The following CLN6 variants were observed in gnomAD, a reference collection of about 807,000 sequenced individuals.
The protein encoded by CLN6 is ceroid-lipofuscinosis neuronal protein 6.
Under a neutral mutation model 33.3 loss-of-function variants are expected in CLN6, and 22 were observed. That is an observed-to-expected ratio of 0.66 (90% CI 0.47 to 0.94). CLN6 has a LOEUF of 0.94. Among genes scored for constraint, CLN6 ranks in the 40% least tolerant of loss-of-function variants. CLN6 has a pLI of 0.00. For missense variants in CLN6, 387 were observed against 417.1 expected, an observed-to-expected ratio of 0.93 and a Z score of 0.63; for synonymous variants, 201 against 174.6, an observed-to-expected ratio of 1.15 and a Z score of -1.19.
upstream of CLN6, chr15:68,229,870 C>G (rs1367722862): frequency 4.0e-6 from 1 of 248,372 alleles, no homozygotes. Context: ...GGCTGCTGGC[C>G]TGTCCGGGCT....
At position 68,211,199 on chromosome 15, in the gene CLN6, AGCCAGTGACAGG is replaced by A; in HGVS notation, c.542+52_542+63del. The A allele has an allele frequency of 7.2e-7, 1 of 1,384,284 alleles. No individual in the cohort carries two copies. 85.8% of individuals were successfully genotyped at this position (1,384,284 alleles called of 1,614,324 possible). On this transcript the variant is annotated intron_variant, in intron 5 of 6. Transcript: ENST00000249806. This position sits in a 1 kb window ranked among gnomAD's most constrained non-coding sequence, Gnocchi z 5.9. ...GACAGCCTTGCTCAGTGTGTCCCTG[AGCCAGTGACAGG>A]GCTAGCCGGTAGTTGGGGCCCCTGG... is the stretch of plus-strand genomic sequence containing the variant.
At chr15:68,225,201 A>C (rs1358355863) in intron 1 of CLN6, among the ~76,000 whole-genome samples, 1 of 152,252 alleles carries the variant, frequency 6.6e-6, no homozygotes, top group Non-Finnish European at 1.5e-5. Context: ...AGGCAACTAG[A>C]AACTCCAAGA....
At position 68,246,351 on chromosome 15, in the gene CLN6, G is replaced by T. The variant is rs1276226648; in HGVS notation, c.179+10339C>A. On this transcript the variant is annotated intron_variant, in intron 1 of 6. Coordinates refer to the CLN6 transcript ENST00000538696. The surrounding 1 kb of genome is among the most constrained non-coding windows in gnomAD (Gnocchi z 4.5). ...AAGTCTGAACAAATTCAATAAAGTA[G>T]AAATTATATCAAATATATTTTCTGG... Among the ~76,000 whole-genome samples, 1 of 151,976 alleles carries T rather than the reference G, an allele frequency of 6.6e-6. No individual in the cohort carries two copies. Among genetic ancestry groups the T allele is most frequent in the Non-Finnish European group, 1.5e-5 (1 of 68,004 alleles).
rs1162238792 is a variant in CLN6, at chr15:68,229,394, G to A, written c.83+108C>T. ...CGCGCTCCGCTCCGCCCCGGCCAGC[G>A]CCGCACACGAGGTTCCCGCCCGGCA... On this transcript the variant is annotated intron_variant, in intron 1 of 6. Coordinates refer to ENST00000249806, the MANE Select transcript of CLN6 (RefSeq NM_017882.3). 6.9e-6 allele frequency: 6 copies of A among 865,268 alleles called. No individual in the cohort carries two copies. In the East Asian group the frequency reaches 1.8e-4, roughly 26 times the overall value. 53.6% of individuals were successfully genotyped at this position (865,268 alleles called of 1,614,324 possible).
chr15:68,223,263 G>A (rs561558028), intron 1 of CLN6, among the ~76,000 whole-genome samples: 1 of 152,312 alleles, frequency 6.6e-6, no homozygotes, highest in South Asian at 2.1e-4. Context: ...AGGCCTGGAG[G>A]TGGAAGTGAA....
upstream of CLN6, among the ~76,000 whole-genome samples, chr15:68,232,898 TG>T (rs1396578075): frequency 6.6e-6 from 1 of 152,000 alleles, no homozygotes; most frequent in Non-Finnish European, 1.5e-5. The surrounding 1 kb of genome is among the most constrained non-coding windows in gnomAD (Gnocchi z 4.7). Context: ...AAAAACGAAC[TG>T]GGTGTCGTGG....
rs376165219 is a variant in CLN6 at position 68,210,280 on chromosome 15, C to T, written c.543-521G>A. 9.9e-4 allele frequency among the ~76,000 whole-genome samples: 151 copies of T among 152,112 alleles called. 3 individuals carry two copies. Among genetic ancestry groups the T allele is most frequent in the East Asian group, 9.1e-3 (47 of 5,170 alleles). On this transcript the variant is annotated intron_variant, in intron 5 of 6. Transcript: ENST00000249806. This position sits in a 1 kb window ranked among gnomAD's most constrained non-coding sequence, Gnocchi z 5.6. ...CTCCACACACCGGCTCCCTTTCTCC[C>T]ACCTGTGCTTTCACCAGTATACCCG...
chr15:68,231,783 G>T (rs976625102), upstream of CLN6, among the ~76,000 whole-genome samples: 2 of 152,246 alleles, frequency 1.3e-5, no homozygotes, highest in Admixed American at 1.3e-4. Flanking sequence ...CTGGCAGGGG[G>T]CTGGGCCTTT....
At position 68,211,183 on chromosome 15, in the gene CLN6, G is replaced by T; in HGVS notation, c.542+80C>A. On this transcript the variant is annotated intron_variant, in intron 5 of 6. Coordinates refer to ENST00000249806, the MANE Select transcript of CLN6 (RefSeq NM_017882.3). The surrounding 1 kb of genome is among the most constrained non-coding windows in gnomAD (Gnocchi z 5.9). ...GGAGACCCGCAGCCCAGACAGCCTT[G>T]CTCAGTGTGTCCCTGAGCCAGTGAC... 8.2e-7 allele frequency: 1 copy of T among 1,214,066 alleles called. No individual in the cohort carries two copies. The highest frequency in any genetic ancestry group is 1.2e-6 in the Non-Finnish European group (1 of 814,932). 75.2% of individuals were successfully genotyped at this position (1,214,066 alleles called of 1,614,324 possible). A position where few individuals can be genotyped will look rare whatever the true frequency, so the allele number is the denominator to read the frequency against.
rs542759820 is a variant in CLN6, at chr15:68,226,003, T to C, written c.83+3499A>G. Among the ~76,000 whole-genome samples, 18 of 150,448 alleles carry C rather than the reference T, an allele frequency of 1.2e-4. No homozygotes were observed. The South Asian group carries it at 3.8e-3, about 32-fold the overall frequency. ...GAATAAAATAAAATAAACCAAGAAA[T>C]AGCAGTTGAGTGTAGTTTTTAAGAG... On this transcript the variant is annotated intron_variant, in intron 1 of 6. Transcript: ENST00000249806.
upstream of CLN6, among the ~76,000 whole-genome samples, chr15:68,233,572 C>A (rs1422405462): frequency 6.6e-6 from 1 of 152,184 alleles, no homozygotes; most frequent in Non-Finnish European, 1.5e-5. This position sits in a 1 kb window ranked among gnomAD's most constrained non-coding sequence, Gnocchi z 4.3. Context: ...TTGAAAATTT[C>A]TCTTTCTTCA....
Position 68,219,907 on chromosome 15 carries a change from G to A in CLN6, c.84-1257C>T, listed in dbSNP as rs2093230924. On this transcript the variant is annotated intron_variant, in intron 1 of 6. Coordinates refer to ENST00000249806, the MANE Select transcript of CLN6 (RefSeq NM_017882.3). This position sits in a 1 kb window ranked among gnomAD's most constrained non-coding sequence, Gnocchi z 4.2. ...AATCTGTATTCCTCCAGAGTTCTGA[G>A]CTCAGGCCCTGGTCCATGCTCAGCA... 2.0e-5 allele frequency among the ~76,000 whole-genome samples: 3 copies of A among 152,212 alleles called. No individual in the cohort carries two copies. The highest frequency in any genetic ancestry group is 4.8e-5 in the African/African-American group (2 of 41,448).
rs1381640730 is a variant in CLN6 at position 68,241,121 on chromosome 15, T to C, written c.179+15569A>G. Among the ~76,000 whole-genome samples the C allele has an allele frequency of 6.6e-6, 1 of 151,934 alleles. No individual in the cohort carries two copies. The highest frequency in any genetic ancestry group is 2.4e-5 in the African/African-American group (1 of 41,336). On this transcript the variant is annotated intron_variant, in intron 1 of 6. Transcript: ENST00000538696. This position sits in a 1 kb window ranked among gnomAD's most constrained non-coding sequence, Gnocchi z 4.2. Reference sequence around the variant, plus strand: ...CCATAAATAACATTATGCTAGTAAATTTCAAAATTTATTAGAAAGGGAAAC... The same window carrying C: ...CCATAAATAACATTATGCTAGTAAACTTCAAAATTTATTAGAAAGGGAAAC...
In CLN6 at chr15:68,256,292, A is replaced by G. The variant is rs1193478242; in HGVS notation, c.179+398T>C. 1.3e-5 allele frequency among the ~76,000 whole-genome samples: 2 copies of G among 151,838 alleles called. No individual in the cohort carries two copies. Among genetic ancestry groups the G allele is most frequent in the Non-Finnish European group, 2.9e-5 (2 of 67,938 alleles). ...CAGCTAATTTTTTTGTATTTTTAGTAGAGGCGGGGTTTCACTATGTTGGCC... is the reference window on the plus strand; with the variant it reads ...CAGCTAATTTTTTTGTATTTTTAGTGGAGGCGGGGTTTCACTATGTTGGCC... On this transcript the variant is annotated intron_variant, in intron 1 of 6. Coordinates refer to the CLN6 transcript ENST00000538696. This position sits in a 1 kb window ranked among gnomAD's most constrained non-coding sequence, Gnocchi z 4.1.
At chr15:68,217,718 C>T (rs535028049) in intron 2 of CLN6, among the ~76,000 whole-genome samples, 17 of 152,206 alleles carry the variant, frequency 1.1e-4, no homozygotes, top group African/African-American at 3.6e-4. Flanking sequence ...GACTGTGGCC[C>T]GTCAGGCAAC....
rs759413102 is a variant in CLN6, at chr15:68,218,632, A to G, written c.102T>C (p.Ala34=). The part of the protein sequence containing the change: ...FLQARHGSVS[A]DEAARTAPFH... Reference sequence around the variant, plus strand: ...AGGGAGCCGTGCGGGCAGCCTCATCAGCGCTCACAGAGCCATGCCTGGGAA... The same window carrying G: ...AGGGAGCCGTGCGGGCAGCCTCATCGGCGCTCACAGAGCCATGCCTGGGAA... Residue 34 remains alanine (A), a synonymous_variant, in exon 2 of 7, where the codon GCT becomes GCC. Coordinates refer to ENST00000249806, the MANE Select transcript of CLN6 (RefSeq NM_017882.3). The G allele has an allele frequency of 1.9e-6, 3 of 1,613,682 alleles. No individual in the cohort carries two copies. Among genetic ancestry groups the G allele is most frequent in the East Asian group, 4.5e-5 (2 of 44,876 alleles).
Position 68,208,094 on chromosome 15 carries a change from G to GGGGCCCCCC in CLN6, c.*45_*46insGGGGGGCCC. 7.3e-7 allele frequency: 1 copy of GGGGCCCCCC among 1,375,276 alleles called. No homozygotes were observed. Among genetic ancestry groups the GGGGCCCCCC allele is most frequent in the Non-Finnish European group, 1.0e-6 (1 of 992,022 alleles). The allele number at this position is 1,375,276 out of a possible 1,614,324, so 85.2% of individuals were successfully genotyped here. ...CTCCTGTATTCAGATGCCCTCCATG[G>GGGGCCCCCC]CCCACCCTCCCACCCAGCAGAGCGC... On this transcript the variant is annotated 3_prime_UTR_variant, in exon 7 of 7. Transcript: ENST00000249806. The surrounding 1 kb of genome is among the most constrained non-coding windows in gnomAD (Gnocchi z 5.8).
intron 1 of CLN6, among the ~76,000 whole-genome samples, chr15:68,240,054 A>C (rs1419418816): frequency 1.3e-5 from 2 of 152,236 alleles, no homozygotes. Context: ...AAAGTTGAAC[A>C]GAATCAATGA....
At position 68,236,896 on chromosome 15, in the gene CLN6, G is replaced by A. The variant is rs921463107; in HGVS notation, c.180-18246C>T. The stretch of plus-strand genomic sequence containing the variant: ...GAGGCGGCCGGGCGCGGTGGCTCAC[G>A]CCTGTAATCCCAGCACTTTGGGAGG... On this transcript the variant is annotated intron_variant, in intron 1 of 6. Transcript: ENST00000538696. This position sits in a 1 kb window ranked among gnomAD's most constrained non-coding sequence, Gnocchi z 4.5. 1.3e-5 allele frequency among the ~76,000 whole-genome samples: 2 copies of A among 151,682 alleles called. No individual in the cohort carries two copies. The highest frequency in any genetic ancestry group is 2.1e-4 in the South Asian group (1 of 4,808).
Sources: gnomAD v4.1 joint callset for allele counts (sites outside exome capture counted in the v4.1 genomes callset) on GRCh38, gnomAD v4.1.1 for gene constraint, Gnocchi (gnomAD v3.1) non-coding constraint, MANE v1.5 for transcripts, NCBI Gene and HGNC (gene_info 2026-07-23, HGNC 2026-07-21) for gene names.